CFAP74: variants seen among roughly 807,000 people sequenced by gnomAD.
CFAP74 encodes the protein cilia and flagella associated protein 74, also known as cilia- and flagella-associated protein 74.
In CFAP74, 124 loss-of-function variants were observed where a neutral mutation model predicts 188.9. The ratio of observed to expected loss-of-function variants is 0.66; its 90% CI spans 0.57 to 0.76. The LOEUF (loss-of-function observed/expected upper bound fraction) is 0.76, where lower values mean the gene tolerates loss of function less well. Ranked by LOEUF, CFAP74 falls within the 30% of genes least tolerant of loss-of-function variation. The pLI, the probability that CFAP74 is intolerant of heterozygous loss-of-function variation, is 0.00. For synonymous variants in CFAP74, 956 were observed against 916.7 expected (o/e 1.04, Z -0.77); for missense variants, 2,198 against 2,165.2 (o/e 1.02, Z -0.30).
At chr1:1,962,080 G>T (rs1337766077) in intron 14 of CFAP74, among the ~76,000 whole-genome samples, 1 of 152,214 alleles carries the variant, frequency 6.6e-6, no homozygotes, top group East Asian at 1.9e-4. Flanking sequence ...GGAAACTCCT[G>T]AACTGGGAAT....
rs1653479890 is a variant in CFAP74 at position 1,942,846 on chromosome 1, G to C, written c.2487-690C>G. ...CACAGCTGCCCCGGGCAATCCACGA[G>C]GGGGGACCCAGAGGGTGTGGCAGTG... On this transcript the variant is annotated intron_variant, in intron 21 of 38. Transcript: ENST00000682832. This position sits in a 1 kb window ranked among gnomAD's most constrained non-coding sequence, Gnocchi z 4.3. 6.6e-6 allele frequency among the ~76,000 whole-genome samples: 1 copy of C among 152,170 alleles called. No individual in the cohort carries two copies. The highest frequency in any genetic ancestry group is 1.5e-5 in the Non-Finnish European group (1 of 68,018).
At chr1:1,956,405 CCTG>C (rs138065216) in intron 17 of CFAP74, among the ~76,000 whole-genome samples, 1 of 152,276 alleles carries the variant, frequency 6.6e-6, no homozygotes, top group African/African-American at 2.4e-5. Flanking sequence ...AAGGGAGTGT[CCTG>C]CTGCTGCTGC....
At chr1:1,946,250 G>C (rs1570882357) in intron 20 of CFAP74, 67 bp downstream of exon 20, 2 of 1,464,154 alleles carry the variant, frequency 1.4e-6, no homozygotes, top group Non-Finnish European at 1.8e-6. Flanking sequence ...GCCAAGGGCA[G>C]CTGCCACATG....
At chr1:1,995,764 C>T (rs1275610327) in intron 1 of CFAP74, among the ~76,000 whole-genome samples, 4 of 151,192 alleles carry the variant, frequency 2.6e-5, no homozygotes, top group Non-Finnish European at 5.9e-5. Flanking sequence ...AAAATTTAGC[C>T]GGGTGTGGTG....
chr1:1,922,906 GC>G, intron 37 of CFAP74, 78 bp downstream of exon 37: 1 of 1,508,520 alleles, frequency 6.6e-7, no homozygotes, highest in Non-Finnish European at 8.9e-7. Flanking sequence ...GAGGGGCAAG[GC>G]CAGGAGGGTC....
At chr1:1,967,076 T>A (rs1655523607) in intron 11 of CFAP74, among the ~76,000 whole-genome samples, 1 of 152,194 alleles carries the variant, frequency 6.6e-6, no homozygotes, top group Non-Finnish European at 1.5e-5. Flanking sequence ...GATCTCATGA[T>A]CCACTCACCC....
At chr1:1,932,337 C>T (rs1652477417) in intron 25 of CFAP74, among the ~76,000 whole-genome samples, 1 of 149,210 alleles carries the variant, frequency 6.7e-6, no homozygotes, top group Non-Finnish European at 1.5e-5. Flanking sequence ...GCGGAGCTTG[C>T]AGTGAGCCGA....
chr1:1,942,197 C>T lies in CFAP74; in HGVS notation c.2487-41G>A, dbSNP rs780224381. On this transcript the variant is annotated intron_variant, in intron 21 of 38. Transcript: ENST00000682832. The surrounding 1 kb of genome is among the most constrained non-coding windows in gnomAD (Gnocchi z 4.3). ...AGGGCACTGGGTCAGGTGCCACAGTCGTGATTCTGTGTGCGCTCAATGCCT... is the reference window on the plus strand; with the variant it reads ...AGGGCACTGGGTCAGGTGCCACAGTTGTGATTCTGTGTGCGCTCAATGCCT... 70 of 1,445,058 alleles carry T rather than the reference C, an allele frequency of 4.8e-5. No homozygotes were observed. Among genetic ancestry groups the T allele is most frequent in the South Asian group, 2.7e-4 (19 of 69,804 alleles). 89.5% of individuals were successfully genotyped at this position (1,445,058 alleles called of 1,614,324 possible). A position where few individuals can be genotyped will look rare whatever the true frequency, so the allele number is the denominator to read the frequency against.
intron 6 of CFAP74, among the ~76,000 whole-genome samples, chr1:1,978,320 G>A (rs1656581249): frequency 6.6e-6 from 1 of 152,124 alleles, no homozygotes; most frequent in South Asian, 2.1e-4. Context: ...GGGCGATGCT[G>A]GACCTGGGAG....
rs145774922 is a variant in CFAP74, at chr1:1,966,478, C to T, written c.1294G>A (p.Val432Ile). 69 of 1,600,560 alleles carry T rather than the reference C, an allele frequency of 4.3e-5. No individual in the cohort carries two copies. In the African/African-American group the frequency reaches 4.6e-4, roughly 11 times the overall value. The part of the protein sequence containing the change: ...GPGPSRLLEV[V>I]SSELIQGDPG... ...TCCCCCTGGATAAGCTCACTGGAAA[C>T]GACTTCCAGCAACCGAGAGGGCCCG... Residue 432 changes from valine (V) to isoleucine (I), a missense_variant, in exon 12 of 39, where the codon GTT (valine) becomes ATT (isoleucine). Val to Ile is a conservative substitution (Grantham distance 29, BLOSUM62 3). Coordinates refer to ENST00000682832, the MANE Select transcript of CFAP74 (RefSeq NM_001304360.2).
intron 5 of CFAP74, among the ~76,000 whole-genome samples, chr1:1,986,039 G>A (rs1657214490): frequency 6.6e-6 from 1 of 152,234 alleles, no homozygotes; most frequent in African/African-American, 2.4e-5. Context: ...GGCCGGGTAT[G>A]GCAGTCACCC....
chr1:1,995,414 C>A (rs575580140), intron 1 of CFAP74, among the ~76,000 whole-genome samples: 135 of 151,604 alleles, frequency 8.9e-4, no homozygotes, highest in African/African-American at 3.1e-3. Flanking sequence ...ATCGTTTGAA[C>A]CCGGGAGGCG....
In CFAP74 at chr1:1,988,970, CT is replaced by C; in HGVS notation, c.70del (p.Arg24GlufsTer4). ...LADALLLEDERDELEDPEFDI... is the reference protein window; with the variant it reads ...LADALLLEDEXDELEDPEFDI... ...AAACTCCGGATCCTCTAATTCATCT[CT>C]TTCTAGAAATCAAGGCAAGAGTTTA... On this transcript the variant is annotated frameshift_variant and splice_region_variant, in exon 3 of 39. Transcript: ENST00000682832. LOFTEE classifies it high-confidence loss of function. The C allele has an allele frequency of 6.7e-7, 1 of 1,502,150 alleles. No individual in the cohort carries two copies. The highest frequency in any genetic ancestry group is 9.1e-7 in the Non-Finnish European group (1 of 1,095,770). The allele number at this position is 1,502,150 out of a possible 1,614,324, so 93.1% of individuals were successfully genotyped here.
In CFAP74 at chr1:1,960,018, A is replaced by G. The variant is rs1340582701; in HGVS notation, c.1707T>C (p.Pro569=). 1.9e-6 allele frequency: 3 copies of G among 1,591,978 alleles called. No individual in the cohort carries two copies. The highest frequency in any genetic ancestry group is 2.4e-5 in the East Asian group (1 of 42,316). The change falls in exon 15 of 39, where the codon CCT becomes CCC. Residue 569 remains proline, a synonymous_variant. Coordinates refer to ENST00000682832, the MANE Select transcript of CFAP74 (RefSeq NM_001304360.2). ...RDFIHVDFDP[P]GPLSAGMSCE... ...AGGACATTCCGGCTGACAGGGGGCC[A>G]GGGGGGTCAAAGCTGCAGGACGTGA...
In CFAP74 at chr1:1,969,531, G is replaced by A. The variant is rs575610064; in HGVS notation, c.1047-698C>T. On this transcript the variant is annotated intron_variant, in intron 10 of 38. Coordinates refer to ENST00000682832, the MANE Select transcript of CFAP74 (RefSeq NM_001304360.2). The stretch of plus-strand genomic sequence containing the variant: ...AGTCCCCCAGCAGCCTTGGCTGCCC[G>A]GAGGGCTTCTTCCAAGCCCTTATTT... Among the ~76,000 whole-genome samples the A allele has an allele frequency of 1.3e-4, 19 of 150,318 alleles. No homozygotes were observed. The South Asian group carries it at 2.8e-3, about 22-fold the overall frequency.
chr1:1,931,723 CAAAG>C (rs1019778354), intron 25 of CFAP74, among the ~76,000 whole-genome samples: 2 of 104,008 alleles, frequency 1.9e-5, no homozygotes, highest in African/African-American at 7.8e-5. Flanking sequence ...GGTGACAGAG[CAAAG>C]ACTCTGTCTC....
chr1:1,971,540 C>T (rs1656077269), intron 9 of CFAP74, among the ~76,000 whole-genome samples: 2 of 152,276 alleles, frequency 1.3e-5, no homozygotes, highest in South Asian at 2.1e-4. Context: ...GTCCGCACAT[C>T]CCAAGCGTGG....
intron 6 of CFAP74, among the ~76,000 whole-genome samples, chr1:1,983,279 GGACACGGA>G: frequency 6.6e-6 from 1 of 152,220 alleles, no homozygotes; most frequent in Admixed American, 6.5e-5. Flanking sequence ...GTGTGAAAGG[GGACACGGA>G]GCGGGATTTC....
rs571169160 is a variant in CFAP74, at chr1:1,934,875, G to A, written c.3011+3980C>T. On this transcript the variant is annotated intron_variant, in intron 25 of 38. Coordinates refer to ENST00000682832, the MANE Select transcript of CFAP74 (RefSeq NM_001304360.2). ...AGGTTGTAGGTACACACGTGTGTGCGTGGGTGTTAGGTTGTAGGTACACAC... is the reference window on the plus strand; with the variant it reads ...AGGTTGTAGGTACACACGTGTGTGCATGGGTGTTAGGTTGTAGGTACACAC... Among the ~76,000 whole-genome samples the A allele has an allele frequency of 6.6e-4, 98 of 149,518 alleles. 1 individual carries two copies. The highest frequency in any genetic ancestry group is 2.1e-3 in the African/African-American group (83 of 40,034).
Sources: gnomAD v4.1 joint callset for allele counts (sites outside exome capture counted in the v4.1 genomes callset) on GRCh38, gnomAD v4.1.1 for gene constraint, Gnocchi (gnomAD v3.1) non-coding constraint, MANE v1.5 for transcripts, NCBI Gene and HGNC (gene_info 2026-07-23, HGNC 2026-07-21) for gene names.